The following MIA2 variants were observed in gnomAD, a reference collection of about 807,000 sequenced individuals.
MIA2 encodes melanoma inhibitory activity protein 2.
In MIA2, 127 loss-of-function variants were observed where a neutral mutation model predicts 167.8. The ratio of observed to expected loss-of-function variants is 0.76; its 90% CI spans 0.66 to 0.88. MIA2 has a LOEUF of 0.88. Ranked by LOEUF, MIA2 falls within the 40% of genes least tolerant of loss-of-function variation. MIA2 has a pLI of 0.00. For missense variants in MIA2, 1,690 were observed against 1,624.7 expected, an observed-to-expected ratio of 1.04 and a Z score of -0.69; for synonymous variants, 552 against 541.9, an observed-to-expected ratio of 1.02 and a Z score of -0.26.
rs1305815650 is a variant in MIA2 at position 39,266,416 on chromosome 14, CA to C, written c.1888-10517del. 1.1e-5 allele frequency: 11 copies of C among 985,424 alleles called. No homozygotes were observed. The Admixed American group carries it at 6.1e-4, about 55-fold the overall frequency. 61.0% of individuals were successfully genotyped at this position (985,424 alleles called of 1,614,324 possible). A position where few individuals can be genotyped will look rare whatever the true frequency, so the allele number is the denominator to read the frequency against. ...TTTAGCTCCTCTTCTCGGAGGAAAA[CA>C]GCACGCACCGCGCCAGGCCAAGGTC... On this transcript the variant is annotated intron_variant, in intron 6 of 28. Coordinates refer to ENST00000640607, the MANE Select transcript of MIA2 (RefSeq NM_001329214.4).
chr14:39,327,581 T>A (rs2067836605), intron 25 of MIA2, among the ~76,000 whole-genome samples: 1 of 151,998 alleles, frequency 6.6e-6, no homozygotes, highest in Admixed American at 6.6e-5. Flanking sequence ...AGCTGCATCA[T>A]CTACATTAGG....
At chr14:39,331,802 G>A (rs1051308953) in intron 25 of MIA2, among the ~76,000 whole-genome samples, 25 of 152,252 alleles carry the variant, frequency 1.6e-4, no homozygotes, top group African/African-American at 5.5e-4. Flanking sequence ...TGGCTTGTAG[G>A]GTTTCTGCAG....
intron 25 of MIA2, among the ~76,000 whole-genome samples, chr14:39,332,541 G>A (rs1038045311): frequency 2.0e-5 from 3 of 152,114 alleles, no homozygotes; most frequent in African/African-American, 7.2e-5. Context: ...GGAATTTTTA[G>A]CCTTTTTGCC....
chr14:39,353,225 T>G (rs1448273170), downstream of MIA2, among the ~76,000 whole-genome samples: 2 of 152,212 alleles, frequency 1.3e-5, no homozygotes. Context: ...GTGATTACTT[T>G]GAAATATATA....
At chr14:39,289,387 G>T (rs753474187) in intron 9 of MIA2, among the ~76,000 whole-genome samples, 3 of 151,982 alleles carry the variant, frequency 2.0e-5, no homozygotes, top group Non-Finnish European at 4.4e-5. Context: ...GCTAATTTTT[G>T]TATTTTTAGT....
chr14:39,247,728 T>G lies in MIA2; in HGVS notation c.1154T>G (p.Leu385Arg), dbSNP rs1370931343. Residue 385 changes from leucine (L) to arginine (R), a missense_variant, in exon 4 of 29, where the codon CTA (leucine) becomes CGA (arginine). By Grantham distance (102) the Leu-to-Arg change is moderately radical (BLOSUM62 -2). Coordinates refer to ENST00000640607, the MANE Select transcript of MIA2 (RefSeq NM_001329214.4). Reference sequence around the variant, plus strand: ...TGGTTTGATTTTGGTTTTGCTATACTAGGCTTTGCATATGCCAAGGAAGAT... The same window carrying G: ...TGGTTTGATTTTGGTTTTGCTATACGAGGCTTTGCATATGCCAAGGAAGAT... ...PSWFDFGFAI[L>R]GFAYAKEDKI... 5.6e-6 allele frequency: 9 copies of G among 1,613,128 alleles called. No individual in the cohort carries two copies. Among genetic ancestry groups the G allele is most frequent in the Non-Finnish European group, 7.6e-6 (9 of 1,179,796 alleles).
At chr14:39,314,946 T>C in intron 20 of MIA2, 147 bp downstream of exon 20, 1 of 560,140 alleles carries the variant, frequency 1.8e-6, no homozygotes, top group Admixed American at 4.2e-5. Flanking sequence ...CTGTGGGACA[T>C]TTCCCAGGAG....
intron 6 of MIA2, chr14:39,268,969 T>G (rs767969244): frequency 3.4e-5 from 33 of 977,732 alleles, no homozygotes; most frequent in Non-Finnish European, 3.8e-5. Flanking sequence ...GATTTAGTTT[T>G]TATAGGACTG....
chr14:39,319,357 AT>A, intron 23 of MIA2, 66 bp downstream of exon 23: 1 of 750,022 alleles, frequency 1.3e-6, no homozygotes, highest in East Asian at 3.1e-5. Context: ...TATTGCACAT[AT>A]AGTTTCTATT....
In MIA2 at chr14:39,234,068, A is replaced by C; in HGVS notation, c.-47A>C. The C allele has an allele frequency of 1.6e-6, 2 of 1,253,644 alleles. No individual in the cohort carries two copies. The highest frequency in any genetic ancestry group is 1.1e-6 in the Non-Finnish European group (1 of 870,704). The allele number at this position is 1,253,644 out of a possible 1,614,324, so 77.7% of individuals were successfully genotyped here. On this transcript the variant is annotated 5_prime_UTR_variant, in exon 1 of 29. Coordinates refer to ENST00000640607, the MANE Select transcript of MIA2 (RefSeq NM_001329214.4). ...TTTGGCTGACATCTCTACAACCTGAACAATTGGCTTAAACTTCACTTGGGA... is the reference window on the plus strand; with the variant it reads ...TTTGGCTGACATCTCTACAACCTGACCAATTGGCTTAAACTTCACTTGGGA...
At chr14:39,235,804 A>T (rs966926449) in intron 1 of MIA2, among the ~76,000 whole-genome samples, 3 of 151,862 alleles carry the variant, frequency 2.0e-5, no homozygotes, top group Non-Finnish European at 2.9e-5. Flanking sequence ...AGAAAAAAAA[A>T]TTTTTCTTTC....
intron 9 of MIA2, among the ~76,000 whole-genome samples, 173 bp from the exon 10 acceptor site, chr14:39,290,846 C>G (rs2060642744): frequency 6.6e-6 from 1 of 152,184 alleles, no homozygotes; most frequent in African/African-American, 2.4e-5. Flanking sequence ...GTGTTAGCTG[C>G]TCTGGCATTG....
chr14:39,246,368 A>G (rs1295666652), intron 3 of MIA2, among the ~76,000 whole-genome samples: 1 of 152,198 alleles, frequency 6.6e-6, no homozygotes, highest in Admixed American at 6.5e-5. Context: ...AAGTGCTGGG[A>G]TTACAGGCGT....
At chr14:39,319,326 C>T (rs760899980) in intron 23 of MIA2, 35 bp downstream of exon 23, 80 of 982,382 alleles carry the variant, frequency 8.1e-5, no homozygotes, top group Non-Finnish European at 1.0e-4. Context: ...ATTTAAAATA[C>T]ATATTTTACA....
chr14:39,298,542 T>TTTGTTTTTTG (rs2061854555), intron 13 of MIA2, among the ~76,000 whole-genome samples: 1 of 97,026 alleles, frequency 1.0e-5, no homozygotes, highest in Non-Finnish European at 2.0e-5. Flanking sequence ...TTTTTTTTTT[T>TTTGTTTTTTG]TTTTTTTTTT....
In MIA2 at chr14:39,303,955, A is replaced by G. The variant is rs17109100; in HGVS notation, c.2788-336A>G. ...GTGGTATCCTCATTTTTGCTGATCT[A>G]TGTGAAGTCTTGGTAATGTAGTTTG... On this transcript the variant is annotated intron_variant, in intron 16 of 28. Coordinates refer to ENST00000640607, the MANE Select transcript of MIA2 (RefSeq NM_001329214.4). 2.0e-4 allele frequency among the ~76,000 whole-genome samples: 30 copies of G among 151,844 alleles called. 1 individual carries two copies. The South Asian group carries it at 4.6e-3, about 23-fold the overall frequency.
intron 23 of MIA2, among the ~76,000 whole-genome samples, chr14:39,377,434 AGGAAAAAT>A (rs2075066118): frequency 6.6e-6 from 1 of 152,218 alleles, no homozygotes. Flanking sequence ...ATTTCAAATC[AGGAAAAAT>A]GGAAAAAAAG....
At chr14:39,294,289 C>G (rs1318137028) in intron 12 of MIA2, among the ~76,000 whole-genome samples, 3 of 151,992 alleles carry the variant, frequency 2.0e-5, no homozygotes, top group Non-Finnish European at 4.4e-5. Flanking sequence ...CCTCCACCTC[C>G]TGGGTTCAAG....
chr14:39,266,664 C>A, intron 6 of MIA2: 1 of 985,590 alleles, frequency 1.0e-6, no homozygotes, highest in Non-Finnish European at 1.2e-6. Context: ...GGCGCGTGCC[C>A]CGCAGGCCAT....
Sources: allele counts gnomAD v4.1 joint callset (sites outside exome capture counted in the v4.1 genomes callset), GRCh38; gene constraint gnomAD v4.1.1; transcripts MANE v1.5; gene names NCBI Gene and HGNC (gene_info 2026-07-23, HGNC 2026-07-21).